Variants in DNAJC1 observed in about 807,000 individuals in gnomAD.
The protein encoded by DNAJC1 is dnaJ homolog subfamily C member 1.
DNAJC1 carries 58 observed loss-of-function variants against 76.6 expected under a neutral mutation model. The observed-to-expected ratio is 0.76, with a 90% CI of 0.61 to 0.94. DNAJC1 has a LOEUF of 0.94. Ranked by LOEUF, DNAJC1 falls within the 40% of genes least tolerant of loss-of-function variation. The pLI is 0.00. For synonymous variants in DNAJC1, 258 were observed against 267.9 expected (o/e 0.96, Z 0.36); for missense variants, 689 against 677.3 (o/e 1.02, Z -0.19).
chr10:21,804,367 T>A (rs1338327182), intron 9 of DNAJC1, among the ~76,000 whole-genome samples: 1 of 152,076 alleles, frequency 6.6e-6, no homozygotes, highest in African/African-American at 2.4e-5. Flanking sequence ...TAGGGCCTTT[T>A]TAAACCAATG....
intron 7 of DNAJC1, among the ~76,000 whole-genome samples, chr10:21,900,665 T>C (rs1836637493): frequency 6.6e-6 from 1 of 152,310 alleles, no homozygotes. Context: ...ATATAAACTG[T>C]TTTGGAACAA....
At chr10:21,931,476 T>A (rs1272642756) in intron 1 of DNAJC1, among the ~76,000 whole-genome samples, 1 of 152,238 alleles carries the variant, frequency 6.6e-6, no homozygotes, top group African/African-American at 2.4e-5. Flanking sequence ...CTAGCTTATG[T>A]ATTTATTTAA....
chr10:21,928,442 ATTCT>A, intron 3 of DNAJC1, 60 bp downstream of exon 3: 1 of 1,385,820 alleles, frequency 7.2e-7, no homozygotes, highest in Non-Finnish European at 1.0e-6. Flanking sequence ...AGAAGACTTA[ATTCT>A]TTATAAACTG....
Position 21,806,022 on chromosome 10 carries a change from T to C in DNAJC1, c.1056A>G (p.Arg352=), listed in dbSNP as rs374010733. The C allele has an allele frequency of 6.8e-6, 11 of 1,611,772 alleles. No individual in the cohort carries two copies. Among genetic ancestry groups the C allele is most frequent in the Admixed American group, 1.7e-5 (1 of 59,938 alleles). The part of the protein sequence containing the change: ...MVKFPGGTPG[R]WEKIAHELGR... ...CCAATTCGTGGGCAATCTTTTCCCA[T>C]CGACCTGGAGTCCCTCCTGGGAACT... Residue 352 remains arginine, a synonymous_variant, in exon 9 of 12, where the codon CGA becomes CGG. Coordinates refer to ENST00000376980, the MANE Select transcript of DNAJC1 (RefSeq NM_022365.4).
chr10:21,877,858 G>A (rs1045173313), intron 8 of DNAJC1, among the ~76,000 whole-genome samples: 7 of 152,138 alleles, frequency 4.6e-5, no homozygotes, highest in African/African-American at 1.7e-4. Context: ...ACTACTAACA[G>A]CCTACTGTTG....
Position 21,986,710 on chromosome 10 carries a change from C to T in DNAJC1, c.222+16503G>A, listed in dbSNP as rs191011063. Among the ~76,000 whole-genome samples the T allele has an allele frequency of 2.0e-4, 30 of 152,042 alleles. No homozygotes were observed. The East Asian group carries it at 4.4e-3, about 22-fold the overall frequency. On this transcript the variant is annotated intron_variant, in intron 1 of 11. Coordinates refer to ENST00000376980, the MANE Select transcript of DNAJC1 (RefSeq NM_022365.4). Reference sequence around the variant, plus strand: ...TTCCACTTGATCATGGTGTTTAATCCATTTTATATGTTGCTAGATTCAGCT... The same window carrying T: ...TTCCACTTGATCATGGTGTTTAATCTATTTTATATGTTGCTAGATTCAGCT...
chr10:21,904,678 T>A (rs1836714495), intron 6 of DNAJC1, 66 bp from the exon 7 acceptor site: 4 of 1,020,828 alleles, frequency 3.9e-6, no homozygotes, highest in Non-Finnish European at 4.4e-6. Flanking sequence ...ATTTTCCATG[T>A]AACTTAACTT....
intron 1 of DNAJC1, among the ~76,000 whole-genome samples, chr10:21,973,842 C>T (rs1308385570): frequency 6.6e-6 from 1 of 151,918 alleles, no homozygotes; most frequent in Non-Finnish European, 1.5e-5. Context: ...GTGGCTCACA[C>T]CTGTAATCCT....
At chr10:21,979,780 G>A (rs1011636878) in intron 1 of DNAJC1, among the ~76,000 whole-genome samples, 4 of 151,184 alleles carry the variant, frequency 2.6e-5, no homozygotes, top group African/African-American at 7.3e-5. Context: ...TGGATAAAAC[G>A]ATTATCAAGC....
Position 21,759,605 on chromosome 10 carries a change from G to A in DNAJC1, c.1161C>T (p.Leu387=). 1 of 1,613,408 alleles carries A rather than the reference G, an allele frequency of 6.2e-7. No homozygotes were observed. The highest frequency in any genetic ancestry group is 8.5e-7 in the Non-Finnish European group (1 of 1,179,574). ...TCTGAACTGTCGATTTGAGTTCGGA[G>A]AGTCTAACCATTCCTAGGAAAGAGG... The part of the protein sequence containing the change: ...SVTCSPGMVR[L]SELKSTVQNS... Residue 387 remains leucine (L), a synonymous_variant, in exon 11 of 12, where the codon CTC becomes CTT. Coordinates refer to ENST00000376980, the MANE Select transcript of DNAJC1 (RefSeq NM_022365.4).
chr10:21,809,411 A>G (rs1336363647), intron 8 of DNAJC1, among the ~76,000 whole-genome samples: 1 of 151,718 alleles, frequency 6.6e-6, no homozygotes, highest in Non-Finnish European at 1.5e-5. Context: ...AGAAGCTAAA[A>G]TTTTGGATTC....
intron 1 of DNAJC1, among the ~76,000 whole-genome samples, chr10:21,977,601 C>G (rs1385300543): frequency 6.6e-6 from 1 of 152,096 alleles, no homozygotes; most frequent in African/African-American, 2.4e-5. Flanking sequence ...AGAATTGATT[C>G]CCAGTGCAGG....
intron 8 of DNAJC1, among the ~76,000 whole-genome samples, chr10:21,831,168 G>A (rs1170204651): frequency 1.3e-5 from 2 of 152,130 alleles, no homozygotes; most frequent in African/African-American, 4.8e-5. Context: ...TTTGGGGTAA[G>A]CCTAAAGAAT....
At chr10:21,846,970 AATAG>A (rs1312017508) in intron 8 of DNAJC1, among the ~76,000 whole-genome samples, 6 of 152,148 alleles carry the variant, frequency 3.9e-5, no homozygotes, top group Admixed American at 1.3e-4. Context: ...GTCAAGGACA[AATAG>A]ATAGGAAGCT....
intron 7 of DNAJC1, among the ~76,000 whole-genome samples, chr10:21,884,084 A>G (rs1836328812): frequency 6.6e-6 from 1 of 152,194 alleles, no homozygotes; most frequent in Admixed American, 6.5e-5. Flanking sequence ...GGAAGGGGAC[A>G]TCTAAATAAG....
intron 7 of DNAJC1, among the ~76,000 whole-genome samples, chr10:21,894,605 G>A (rs1836510792): frequency 6.6e-6 from 1 of 152,102 alleles, no homozygotes; most frequent in Admixed American, 6.6e-5. Flanking sequence ...AGGAGAGAAA[G>A]CTTCCTATTT....
intron 3 of DNAJC1, among the ~76,000 whole-genome samples, chr10:21,926,225 T>TACAGATGTG (rs1590052081): frequency 2.6e-5 from 4 of 152,060 alleles, no homozygotes; most frequent in African/African-American, 9.6e-5. Context: ...GTGCTAGGAT[T>TACAGATGTG]ACAGATGTGA....
intron 1 of DNAJC1, among the ~76,000 whole-genome samples, chr10:22,000,832 C>G (rs1838506366): frequency 6.6e-6 from 1 of 152,180 alleles, no homozygotes; most frequent in Non-Finnish European, 1.5e-5. Flanking sequence ...AGGCCCTCAC[C>G]AGACACAGAA....
intron 1 of DNAJC1, among the ~76,000 whole-genome samples, chr10:21,977,912 A>G (rs1319841128): frequency 7.2e-5 from 11 of 152,176 alleles, no homozygotes; most frequent in African/African-American, 2.7e-4. Flanking sequence ...TCAAAGTGAC[A>G]AGGGAAAAAA....
Sources: allele counts gnomAD v4.1 joint callset (sites outside exome capture counted in the v4.1 genomes callset), GRCh38; gene constraint gnomAD v4.1.1; transcripts MANE v1.5; gene names NCBI Gene and HGNC (gene_info 2026-07-23, HGNC 2026-07-21).